Variants in MARCHF1 observed in about 807,000 individuals in gnomAD.
The protein encoded by MARCHF1 is E3 ubiquitin-protein ligase MARCHF1.
MARCHF1 carries 40 observed loss-of-function variants against 54.2 expected under a neutral mutation model. The ratio of observed to expected loss-of-function variants is 0.74; its 90% CI spans 0.57 to 0.96. The LOEUF (loss-of-function observed/expected upper bound fraction) is 0.96. Among genes scored for constraint, MARCHF1 ranks in the 40% least tolerant of loss-of-function variants. The pLI is 0.00. For synonymous variants in MARCHF1, 236 were observed against 236.3 expected, an observed-to-expected ratio of 1.00 and a Z score of 0.01; for missense variants, 586 against 656.5, an observed-to-expected ratio of 0.89 and a Z score of 1.17.
At chr4:163,755,639 G>A (rs371216609) in intron 4 of MARCHF1, among the ~76,000 whole-genome samples, 20 of 145,878 alleles carry the variant, frequency 1.4e-4, no homozygotes, top group African/African-American at 5.0e-4. Context: ...TTTTTTTCCT[G>A]AAGGAAAAAG....
intron 4 of MARCHF1, among the ~76,000 whole-genome samples, chr4:163,711,733 G>C (rs1745109966): frequency 6.6e-6 from 1 of 152,078 alleles, no homozygotes; most frequent in Admixed American, 6.6e-5. Context: ...AAGACTATGG[G>C]TGACAACCAC....
At chr4:163,817,334 T>C (rs1486532602) in intron 4 of MARCHF1, among the ~76,000 whole-genome samples, 4 of 151,916 alleles carry the variant, frequency 2.6e-5, no homozygotes, top group East Asian at 3.9e-4. Flanking sequence ...CACATATACA[T>C]ATATATGTAC....
chr4:163,924,696 G>A (rs1461001963), intron 3 of MARCHF1, among the ~76,000 whole-genome samples: 1 of 151,820 alleles, frequency 6.6e-6, no homozygotes, highest in Non-Finnish European at 1.5e-5. Context: ...GGGATAGAGA[G>A]GATAAGAAAT....
At chr4:164,119,685 A>G (rs1756022856) in intron 1 of MARCHF1, among the ~76,000 whole-genome samples, 1 of 150,894 alleles carries the variant, frequency 6.6e-6, no homozygotes, top group Admixed American at 6.6e-5. Flanking sequence ...TGAAACTAAT[A>G]ATGTTTTAAA....
chr4:163,563,862 G>A (rs574285076), intron 8 of MARCHF1, among the ~76,000 whole-genome samples: 39 of 152,256 alleles, frequency 2.6e-4, no homozygotes, highest in African/African-American at 6.7e-4. Flanking sequence ...AAATCTGTGC[G>A]TTTATCGAAT....
At chr4:164,224,745 T>C (rs1162650981) in intron 1 of MARCHF1, among the ~76,000 whole-genome samples, 1 of 152,020 alleles carries the variant, frequency 6.6e-6, no homozygotes, top group Non-Finnish European at 1.5e-5. Context: ...TTTAATATAG[T>C]GCAATTCTTA....
In MARCHF1 at chr4:164,015,349, T is replaced by A. The variant is rs577408230; in HGVS notation, c.-247-26640A>T. On this transcript the variant is annotated intron_variant, in intron 2 of 9. Coordinates refer to ENST00000514618, the MANE Select transcript of MARCHF1 (RefSeq NM_001394959.1). ...CAACTAAAAATTGTAACTATAAAAC[T>A]ACCAGAAGAAAACACTAGGGTAACA... 7.1e-3 allele frequency among the ~76,000 whole-genome samples: 1,073 copies of A among 152,182 alleles called. 10 individuals carry two copies. Among genetic ancestry groups the A allele is most frequent in the East Asian group, 0.024 (123 of 5,178 alleles).
chr4:164,254,305 C>T (rs1331526448), intron 1 of MARCHF1, among the ~76,000 whole-genome samples: 1 of 134,132 alleles, frequency 7.5e-6, no homozygotes, highest in Non-Finnish European at 1.6e-5. Flanking sequence ...AGGGACAGAA[C>T]TAATAGTATA....
chr4:163,713,866 G>C (rs561387501), intron 4 of MARCHF1, among the ~76,000 whole-genome samples: 1 of 152,128 alleles, frequency 6.6e-6, no homozygotes, highest in Non-Finnish European at 1.5e-5. Flanking sequence ...TTCTCGAAAA[G>C]TCTTCATAAG....
At chr4:164,102,497 T>G (rs1370981439) in intron 2 of MARCHF1, among the ~76,000 whole-genome samples, 8 of 147,728 alleles carry the variant, frequency 5.4e-5, no homozygotes, top group African/African-American at 1.5e-4. Flanking sequence ...ACCCAGAACT[T>G]CATATCCAGC....
intron 4 of MARCHF1, among the ~76,000 whole-genome samples, chr4:163,832,638 T>C (rs1325662006): frequency 6.6e-6 from 1 of 151,254 alleles, no homozygotes; most frequent in Non-Finnish European, 1.5e-5. Flanking sequence ...GTGCACAACG[T>C]GCAGGTTAGT....
At chr4:163,733,207 ATATATATATATATACACGTG>A (rs1169437230) in intron 4 of MARCHF1, among the ~76,000 whole-genome samples, 999 of 18,916 alleles carry the variant, frequency 0.053, 47 homozygotes, top group Non-Finnish European at 0.13. Context: ...ATATATATAT[ATATATATATATATACACGTG>A]TATATATATA....
intron 5 of MARCHF1, among the ~76,000 whole-genome samples, chr4:163,633,393 G>A (rs1742182197): frequency 6.6e-6 from 1 of 152,286 alleles, no homozygotes; most frequent in East Asian, 1.9e-4. Flanking sequence ...ATACAGAGAA[G>A]TGCTTAAAGG....
At chr4:163,771,710 G>T (rs565433171) in intron 4 of MARCHF1, among the ~76,000 whole-genome samples, 7 of 152,268 alleles carry the variant, frequency 4.6e-5, no homozygotes, top group Admixed American at 4.6e-4. Context: ...TCATGCAAGA[G>T]CTTATTAAAA....
At chr4:163,706,819 A>G (rs1744963519) in intron 4 of MARCHF1, among the ~76,000 whole-genome samples, 1 of 151,996 alleles carries the variant, frequency 6.6e-6, no homozygotes, top group Non-Finnish European at 1.5e-5. Context: ...AATAACCAAG[A>G]AAATAATGAA....
chr4:163,851,365 A>G (rs1019586103), intron 4 of MARCHF1, among the ~76,000 whole-genome samples: 1 of 152,158 alleles, frequency 6.6e-6, no homozygotes, highest in East Asian at 1.9e-4. Flanking sequence ...TGTGATTGAC[A>G]TGTGTACCTG....
chr4:164,140,146 G>C (rs1458188861), intron 1 of MARCHF1, among the ~76,000 whole-genome samples: 1 of 150,782 alleles, frequency 6.6e-6, no homozygotes, highest in Non-Finnish European at 1.5e-5. Flanking sequence ...AGATATTAAA[G>C]ATACATAGGC....
chr4:164,362,250 T>A (rs559841090), intron 1 of MARCHF1, among the ~76,000 whole-genome samples: 7 of 152,240 alleles, frequency 4.6e-5, no homozygotes, highest in Admixed American at 2.0e-4. Context: ...TACATACTTT[T>A]AAAAAAATTA....
chr4:163,823,613 G>A (rs1421104508), intron 4 of MARCHF1, among the ~76,000 whole-genome samples: 1 of 151,674 alleles, frequency 6.6e-6, no homozygotes, highest in Admixed American at 6.6e-5. Flanking sequence ...TCATATTTGT[G>A]GTTATTAAAT....
Sources: gnomAD v4.1 joint callset for allele counts (sites outside exome capture counted in the v4.1 genomes callset) on GRCh38, gnomAD v4.1.1 for gene constraint, MANE v1.5 for transcripts, NCBI Gene and HGNC (gene_info 2026-07-23, HGNC 2026-07-21) for gene names.